WWP2: variants seen among roughly 807,000 people sequenced by gnomAD.
WWP2 encodes the protein NEDD4-like E3 ubiquitin-protein ligase WWP2.
In WWP2, 57 loss-of-function variants were observed where a neutral mutation model predicts 121.0. The observed-to-expected ratio is 0.47, with a 90% CI of 0.38 to 0.59. The LOEUF is 0.59. WWP2 is among the 20% of genes least tolerant of loss of function. WWP2 has a pLI of 0.00. For synonymous variants in WWP2, 449 were observed against 441.3 expected (o/e 1.02, Z -0.22); for missense variants, 962 against 1,158.9 (o/e 0.83, Z 2.47).
At chr16:69,807,050 T>C (rs1200720650) in intron 4 of WWP2, among the ~76,000 whole-genome samples, 1 of 151,784 alleles carries the variant, frequency 6.6e-6, no homozygotes, top group Non-Finnish European at 1.5e-5. Context: ...TTTTTTGAGA[T>C]GGAGTTTATC....
chr16:69,923,315 G>T (rs942547306), intron 10 of WWP2, among the ~76,000 whole-genome samples: 5 of 76,896 alleles, frequency 6.5e-5, no homozygotes, highest in Non-Finnish European at 1.1e-4. Context: ...TGTGTGTTGG[G>T]GGGGTGGGGG....
chr16:69,798,821 C>A lies in WWP2; in HGVS notation c.210C>A (p.Ile70=). The A allele has an allele frequency of 6.2e-7, 1 of 1,613,734 alleles. No homozygotes were observed. The highest frequency in any genetic ancestry group is 8.5e-7 in the Non-Finnish European group (1 of 1,179,890). ...GCTCTGAGCTTCTCTGGAATGAGAT[C>A]ATCATTTTGTAAGAGAAAGCCCCTT... The part of the protein sequence containing the change: ...IGSSELLWNE[I]IILNVTAQSH... The change falls in exon 3 of 24, where the codon ATC becomes ATA. Residue 70 remains isoleucine (I), a synonymous_variant. Transcript: ENST00000359154.
intron 21 of WWP2, among the ~76,000 whole-genome samples, chr16:69,938,400 T>C (rs1345702639): frequency 6.6e-6 from 1 of 152,188 alleles, no homozygotes; most frequent in African/African-American, 2.4e-5. Context: ...GGCAGATCAC[T>C]TGAGGTCAGG....
At chr16:69,907,028 A>G (rs2058305480) in intron 8 of WWP2, among the ~76,000 whole-genome samples, 1 of 152,256 alleles carries the variant, frequency 6.6e-6, no homozygotes, top group Non-Finnish European at 1.5e-5. Flanking sequence ...ATGTTAAATG[A>G]TTACGAAATA....
At chr16:69,902,473 A>G (rs1321705199) in intron 8 of WWP2, among the ~76,000 whole-genome samples, 1 of 152,160 alleles carries the variant, frequency 6.6e-6, no homozygotes, top group Non-Finnish European at 1.5e-5. Flanking sequence ...CCATGATCCA[A>G]CCAAATGTTA....
At chr16:69,792,698 C>A (rs1016811541) in intron 2 of WWP2, among the ~76,000 whole-genome samples, 2 of 152,078 alleles carry the variant, frequency 1.3e-5, no homozygotes, top group Non-Finnish European at 2.9e-5. Flanking sequence ...ATGTAGTATT[C>A]TTCTTTCTTT....
chr16:69,929,953 G>C (rs2058689212), intron 12 of WWP2, among the ~76,000 whole-genome samples, 177 bp from the exon 13 acceptor site: 1 of 152,186 alleles, frequency 6.6e-6, no homozygotes, highest in Non-Finnish European at 1.5e-5. Context: ...GATAATAAGT[G>C]ACCTCTCCGT....
intron 8 of WWP2, among the ~76,000 whole-genome samples, chr16:69,903,422 G>T (rs377703472): frequency 6.6e-6 from 1 of 152,168 alleles, no homozygotes; most frequent in Non-Finnish European, 1.5e-5. Context: ...GAACATAAAA[G>T]ATGTCAAAAG....
chr16:69,816,016 G>T (rs2151837692), intron 4 of WWP2, among the ~76,000 whole-genome samples: 1 of 152,152 alleles, frequency 6.6e-6, no homozygotes, highest in African/African-American at 2.4e-5. Context: ...CCATTCTTCA[G>T]CTGAGGAGGC....
chr16:69,794,125 C>T (rs1009824616), intron 2 of WWP2, among the ~76,000 whole-genome samples: 19 of 152,026 alleles, frequency 1.2e-4, no homozygotes, highest in Admixed American at 7.2e-4. Flanking sequence ...ACCAAGTTGG[C>T]CAGGCTGGTT....
chr16:69,933,189 C>T, intron 16 of WWP2: 1 of 478,644 alleles, frequency 2.1e-6, no homozygotes, highest in South Asian at 1.5e-5. Flanking sequence ...CCCTCTGCGT[C>T]GACGGACTCC....
chr16:69,930,002 G>C, intron 12 of WWP2, 128 bp from the exon 13 acceptor site: 1 of 1,378,196 alleles, frequency 7.3e-7, no homozygotes, highest in Non-Finnish European at 9.9e-7. Context: ...CATGCTTCTT[G>C]GGTGCATGTC....
At chr16:69,895,622 C>T (rs1306322453) in intron 8 of WWP2, among the ~76,000 whole-genome samples, 6 of 152,100 alleles carry the variant, frequency 3.9e-5, no homozygotes, top group Non-Finnish European at 7.4e-5. Flanking sequence ...ACAAAAACAT[C>T]AGCTGTGTGC....
chr16:69,934,693 A>G (rs2058768882), intron 17 of WWP2, among the ~76,000 whole-genome samples: 1 of 150,834 alleles, frequency 6.6e-6, no homozygotes, highest in South Asian at 2.1e-4. Context: ...AACAAAACGT[A>G]AAGTCTGTGG....
intron 4 of WWP2, among the ~76,000 whole-genome samples, chr16:69,812,705 A>G (rs2056418241): frequency 6.6e-6 from 1 of 152,012 alleles, no homozygotes; most frequent in African/African-American, 2.4e-5. Context: ...TCATGGTTAG[A>G]TTCAGAGTGT....
rs147831584 is a variant in WWP2 at position 69,911,372 on chromosome 16, G to A, written c.1004+2522G>A. Among the ~76,000 whole-genome samples the A allele has an allele frequency of 1.4e-4, 22 of 152,328 alleles. No individual in the cohort carries two copies. The East Asian group carries it at 4.2e-3, about 29-fold the overall frequency. Reference sequence around the variant, plus strand: ...ACTGTGAAACAAGAGGATTGAGGAGGCCTCACAGAGGGAAGTGGCTCCAAC... The same window carrying A: ...ACTGTGAAACAAGAGGATTGAGGAGACCTCACAGAGGGAAGTGGCTCCAAC... On this transcript the variant is annotated intron_variant, in intron 9 of 23. Coordinates refer to ENST00000359154, the MANE Select transcript of WWP2 (RefSeq NM_001270454.2).
chr16:69,924,884 G>A (rs2058616682), intron 10 of WWP2: 1 of 980,266 alleles, frequency 1.0e-6, no homozygotes, highest in African/African-American at 1.7e-5. Context: ...GGAGGTTGGG[G>A]GGGACGCCGA....
intron 7 of WWP2, among the ~76,000 whole-genome samples, chr16:69,875,996 C>A (rs760982037): frequency 6.6e-6 from 1 of 151,734 alleles, no homozygotes; most frequent in Non-Finnish European, 1.5e-5. Context: ...CTCTTGTTGC[C>A]CAGGCTGGCA....
chr16:69,790,658 C>T (rs977356681), intron 2 of WWP2, among the ~76,000 whole-genome samples: 1 of 152,156 alleles, frequency 6.6e-6, no homozygotes, highest in Non-Finnish European at 1.5e-5. Flanking sequence ...TCACTGCGAC[C>T]TCTGTCTCCT....
Sources: gnomAD v4.1 joint callset for allele counts (sites outside exome capture counted in the v4.1 genomes callset) on GRCh38, gnomAD v4.1.1 for gene constraint, MANE v1.5 for transcripts, NCBI Gene and HGNC (gene_info 2026-07-23, HGNC 2026-07-21) for gene names.